The following GAK variants were observed in gnomAD, a reference collection of about 807,000 sequenced individuals.
GAK encodes cyclin-G-associated kinase.
In GAK, 79 loss-of-function variants were observed where a neutral mutation model predicts 143.9. That is an observed-to-expected ratio of 0.55 (90% CI 0.46 to 0.66). GAK has a LOEUF of 0.66. Among genes scored for constraint, GAK ranks in the 30% least tolerant of loss-of-function variants. GAK has a pLI of 0.00. For synonymous variants in GAK, 881 were observed against 765.5 expected, an observed-to-expected ratio of 1.15 and a Z score of -2.49; for missense variants, 1,693 against 1,779.7, an observed-to-expected ratio of 0.95 and a Z score of 0.88.
intron 5 of GAK, among the ~76,000 whole-genome samples, chr4:904,120 A>C (rs913018762): frequency 6.6e-6 from 1 of 152,170 alleles, no homozygotes; most frequent in South Asian, 2.1e-4. Context: ...GTGTGGAGGG[A>C]GCCACTACCT....
chr4:883,820 T>C (rs1177133930), intron 12 of GAK, among the ~76,000 whole-genome samples: 8 of 152,178 alleles, frequency 5.3e-5, no homozygotes, highest in Non-Finnish European at 1.2e-4. Context: ...CAGGGAGCCA[T>C]GGGAGGCCAG....
intron 15 of GAK, 58 bp downstream of exon 15, chr4:881,849 C>T (rs1715178817): frequency 2.1e-5 from 31 of 1,508,722 alleles, no homozygotes; most frequent in South Asian, 7.4e-5. Context: ...ACAGCGGGGG[C>T]GGCAGTGCCA....
intron 16 of GAK, 49 bp downstream of exon 16, chr4:877,566 G>T: frequency 2.6e-6 from 4 of 1,511,040 alleles, no homozygotes; most frequent in Non-Finnish European, 3.6e-6. Context: ...ACGGTTTTCC[G>T]GAGGGGTGAG....
At chr4:929,153 C>T (rs1185179287) in intron 1 of GAK, among the ~76,000 whole-genome samples, 2 of 152,130 alleles carry the variant, frequency 1.3e-5, no homozygotes, top group African/African-American at 2.4e-5. Context: ...CACAAGTGGC[C>T]CTGGGGGTGG....
Position 893,854 on chromosome 4 carries a change from C to T in GAK, c.877+20G>A, listed in dbSNP as rs376462680. The T allele has an allele frequency of 2.0e-5, 31 of 1,561,532 alleles. No individual in the cohort carries two copies. Among genetic ancestry groups the T allele is most frequent in the South Asian group, 8.5e-5 (7 of 82,576 alleles). On this transcript the variant is annotated intron_variant, in intron 8 of 27. Transcript: ENST00000314167. ...GTGCTCCAGGGTCCTGCCCCACGCA[C>T]GCATTCCACCGGGACTTACGGATGA...
At chr4:931,936 C>T in intron 1 of GAK, 107 bp downstream of exon 1, 3 of 823,422 alleles carry the variant, frequency 3.6e-6, no homozygotes, top group Admixed American at 4.5e-5. Context: ...CCGCTGGGAC[C>T]CTCCCCAGCC....
chr4:881,042 C>A (rs1016603219), intron 15 of GAK, among the ~76,000 whole-genome samples: 13 of 152,348 alleles, frequency 8.5e-5, no homozygotes, highest in East Asian at 1.9e-4. Flanking sequence ...TCTCCTCCCC[C>A]CAAGGCTGTG....
Position 849,920 on chromosome 4 carries a change from C to A in GAK, c.3806G>T (p.Arg1269Leu), listed in dbSNP as rs149200314. 18 of 1,610,366 alleles carry A rather than the reference C, an allele frequency of 1.1e-5. No individual in the cohort carries two copies. Among genetic ancestry groups the A allele is most frequent in the Non-Finnish European group, 1.4e-5 (17 of 1,178,670 alleles). ...GTCGGGGTGCACAGCCAGCACCGCGCGGCGATAGTGCTTCTTCACTTGCTC... is the reference window on the plus strand; with the variant it reads ...GTCGGGGTGCACAGCCAGCACCGCGAGGCGATAGTGCTTCTTCACTTGCTC... ...APEQVKKHYR[R>L]AVLAVHPDKA... is the part of the protein sequence containing the mutation. The change falls in exon 27 of 28, where the codon CGC becomes CTC. Residue 1269 changes from arginine to leucine, a missense_variant. Physicochemically the swap from Arg to Leu is moderately radical, Grantham distance 102 (BLOSUM62 -2). This residue lies in a region of GAK where 822 missense variants were observed against 788.7 expected (regional missense o/e 1.04). Transcript: ENST00000314167.
At chr4:921,479 C>T (rs1335378532) in intron 1 of GAK, among the ~76,000 whole-genome samples, 2 of 152,136 alleles carry the variant, frequency 1.3e-5, no homozygotes, top group Non-Finnish European at 2.9e-5. Flanking sequence ...CATGTAAATG[C>T]CAGCCACATA....
chr4:890,585 A>G lies in GAK; in HGVS notation c.1028T>C (p.Leu343Pro). The change falls in exon 10 of 28, where the codon CTG (leucine) becomes CCG (proline). Residue 343 changes from leucine (L) to proline (P), a missense_variant. Physicochemically the swap from Leu to Pro is moderately conservative, Grantham distance 98. This residue lies in a region of GAK where 871 missense variants were observed against 991.0 expected (regional missense o/e 0.88). Coordinates refer to ENST00000314167, the MANE Select transcript of GAK (RefSeq NM_005255.4). ...CACGGGAGGGGGTGGCCCTCGGGAC[A>G]GTGTGGCGCTCCCGTAGCCTCCATT... is the stretch of plus-strand genomic sequence containing the variant. The part of the protein sequence containing the change: ...EQNGGYGSAT[L>P]SRGPPPPVGP... 18 of 1,611,716 alleles carry G rather than the reference A, an allele frequency of 1.1e-5. No homozygotes were observed. The highest frequency in any genetic ancestry group is 1.4e-5 in the Non-Finnish European group (17 of 1,179,544).
At chr4:882,966 AGG>A in intron 13 of GAK, 147 bp from the exon 14 acceptor site, 1 of 1,038,090 alleles carries the variant, frequency 9.6e-7, no homozygotes, top group Non-Finnish European at 1.4e-6. Flanking sequence ...CCTGAGCACC[AGG>A]GCTGCCACTG....
chr4:900,062 A>G (rs1179880938), intron 5 of GAK, among the ~76,000 whole-genome samples: 1 of 152,264 alleles, frequency 6.6e-6, no homozygotes, highest in Non-Finnish European at 1.5e-5. Context: ...TCGGATGCAG[A>G]GCACACAGCG....
At position 849,630 on chromosome 4, in the gene GAK, C is replaced by T. The variant is rs1456261399; in HGVS notation, c.*43G>A. On this transcript the variant is annotated 3_prime_UTR_variant, in exon 28 of 28. Coordinates refer to ENST00000314167, the MANE Select transcript of GAK (RefSeq NM_005255.4). ...TGGGGACCCAGGTCCCACGACGGCT[C>T]CCAACCTGTGGAGCTGTGTGCGCAG... 1.3e-6 allele frequency: 2 copies of T among 1,521,874 alleles called. No homozygotes were observed. The highest frequency in any genetic ancestry group is 9.1e-7 in the Non-Finnish European group (1 of 1,104,724). 94.3% of individuals were successfully genotyped at this position (1,521,874 alleles called of 1,614,324 possible). A position where few individuals can be genotyped will look rare whatever the true frequency, so the allele number is the denominator to read the frequency against.
chr4:912,846 C>T (rs1577287416), intron 2 of GAK, 52 bp from the exon 3 acceptor site: 3 of 1,516,082 alleles, frequency 2.0e-6, no homozygotes, highest in South Asian at 2.3e-5. Context: ...TACCTTCCTA[C>T]TCCACCCGAT....
At chr4:893,112 T>C (rs1717996501) in intron 9 of GAK, among the ~76,000 whole-genome samples, 1 of 151,240 alleles carries the variant, frequency 6.6e-6, no homozygotes, top group South Asian at 2.1e-4. Flanking sequence ...ATAGGAAACT[T>C]GGGGTTCAGG....
intron 24 of GAK, 79 bp from the exon 25 acceptor site, chr4:852,053 C>T (rs17165087): frequency 0.17 from 206,357 of 1,213,874 alleles, 19,218 homozygotes; most frequent in Middle Eastern, 0.29. Context: ...CAGAGCACCA[C>T]GTATATTGGA....
intron 11 of GAK, chr4:888,597 G>A (rs1306480600): frequency 8.0e-6 from 4 of 500,140 alleles, no homozygotes; most frequent in Non-Finnish European, 1.4e-5. Flanking sequence ...GCAAGGGAGG[G>A]GAGGGCCCAG....
At chr4:860,061 T>C (rs1749998574) in intron 23 of GAK, among the ~76,000 whole-genome samples, 1 of 152,168 alleles carries the variant, frequency 6.6e-6, no homozygotes, top group Non-Finnish European at 1.5e-5. Flanking sequence ...TAGCATAAAT[T>C]TGAGAATATC....
At chr4:882,916 C>A in intron 13 of GAK, 97 bp from the exon 14 acceptor site, 1 of 1,491,068 alleles carries the variant, frequency 6.7e-7, no homozygotes, top group Non-Finnish European at 9.0e-7. Context: ...CGGGGGCCTC[C>A]GCCAGCTGGT....
Sources: allele counts gnomAD v4.1 joint callset (sites outside exome capture counted in the v4.1 genomes callset), GRCh38; gene constraint gnomAD v4.1.1; regional missense constraint gnomAD v4.1.1; transcripts MANE v1.5; gene names NCBI Gene and HGNC (gene_info 2026-07-23, HGNC 2026-07-21).